Variants in PIK3C2G observed in about 807,000 individuals in gnomAD.
PIK3C2G encodes phosphatidylinositol 3-kinase C2 domain-containing subunit gamma.
Under a neutral mutation model 181.1 loss-of-function variants are expected in PIK3C2G, and 168 were observed. The ratio of observed to expected loss-of-function variants is 0.93; its 90% CI spans 0.82 to 1.05. The LOEUF is 1.05. Ranked by LOEUF, PIK3C2G falls within the 50% of genes least tolerant of loss-of-function variation. The probability of loss-of-function intolerance (pLI) is 0.00; values close to 1 mark genes in which losing one functional copy is unlikely to be tolerated. For synonymous variants in PIK3C2G, 573 were observed against 592.2 expected (o/e 0.97, Z 0.47); for missense variants, 1,869 against 1,732.8 (o/e 1.08, Z -1.40).
intron 18 of PIK3C2G, among the ~76,000 whole-genome samples, chr12:18,456,550 G>C (rs1947639929): frequency 6.6e-6 from 1 of 152,156 alleles, no homozygotes; most frequent in Admixed American, 6.6e-5. Flanking sequence ...AAAGAAGCTA[G>C]CCGCCCCAAC....
chr12:18,563,563 A>G (rs547942347), intron 28 of PIK3C2G, 65 bp downstream of exon 28: 169 of 1,487,230 alleles, frequency 1.1e-4, no homozygotes, highest in Non-Finnish European at 1.5e-4. Flanking sequence ...AAGAAAAATT[A>G]TGGTTATGGG....
At chr12:18,475,215 T>G (rs1466629519) in intron 18 of PIK3C2G, among the ~76,000 whole-genome samples, 1 of 152,098 alleles carries the variant, frequency 6.6e-6, no homozygotes, top group Non-Finnish European at 1.5e-5. Flanking sequence ...ATATCTTAAA[T>G]AAGACTGGGT....
chr12:18,340,692 T>C lies in PIK3C2G; in HGVS notation c.1395+2144T>C, dbSNP rs560385877. Among the ~76,000 whole-genome samples the C allele has an allele frequency of 2.0e-5, 3 of 152,302 alleles. No individual in the cohort carries two copies. In the South Asian group the frequency reaches 6.2e-4, roughly 32 times the overall value. ...ATCTAAACATCCTGTGGAAAACTAATTCACTTTTTGGAGTTTTAATTTTCC... is the reference window on the plus strand; with the variant it reads ...ATCTAAACATCCTGTGGAAAACTAACTCACTTTTTGGAGTTTTAATTTTCC... On this transcript the variant is annotated intron_variant, in intron 9 of 32. Transcript: ENST00000538779.
At chr12:18,246,831 T>G (rs548003367), upstream of PIK3C2G, among the ~76,000 whole-genome samples, 2 of 152,338 alleles carry the variant, frequency 1.3e-5, no homozygotes, top group African/African-American at 4.8e-5. Flanking sequence ...TAGACTTAGC[T>G]GGAGACTCAT....
At chr12:18,704,339 C>G in the PIK3C2G span, among the ~76,000 whole-genome samples, 5 of 151,708 alleles carry the variant, frequency 3.3e-5, no homozygotes, top group Middle Eastern at 0.01. Context: ...TTCTTTTTTT[C>G]AATATGAAGG....
the PIK3C2G span, among the ~76,000 whole-genome samples, chr12:18,688,599 T>A: frequency 6.6e-6 from 1 of 151,866 alleles, no homozygotes; most frequent in African/African-American, 2.4e-5. Flanking sequence ...GCAATAGAAA[T>A]ATTACTTTTT....
the PIK3C2G span, among the ~76,000 whole-genome samples, chr12:18,714,130 C>A: frequency 6.6e-6 from 1 of 152,166 alleles, no homozygotes; most frequent in African/African-American, 2.4e-5. Flanking sequence ...CCCAAACTAC[C>A]AAGAGTTCAC....
chr12:18,317,131 A>G (rs1466648999), intron 6 of PIK3C2G, among the ~76,000 whole-genome samples: 1 of 149,366 alleles, frequency 6.7e-6, no homozygotes, highest in African/African-American at 2.5e-5. Context: ...CTCCTGCCTC[A>G]GCCTCCTGAG....
the PIK3C2G span, among the ~76,000 whole-genome samples, chr12:18,691,554 C>T: frequency 5.9e-5 from 9 of 152,126 alleles, no homozygotes; most frequent in Admixed American, 2.0e-4. Flanking sequence ...GTAAAAATGA[C>T]AATCACTTGG....
At chr12:18,568,408 GTGTGTC>G (rs1945751060) in intron 29 of PIK3C2G, among the ~76,000 whole-genome samples, 1 of 151,128 alleles carries the variant, frequency 6.6e-6, no homozygotes, top group African/African-American at 2.4e-5. Context: ...GTGTGTGTGT[GTGTGTC>G]TGTGTGTGTG....
chr12:18,566,120 A>G (rs1056968914), intron 28 of PIK3C2G, among the ~76,000 whole-genome samples: 15 of 152,204 alleles, frequency 9.9e-5, no homozygotes, highest in Admixed American at 7.2e-4. Context: ...AGAGTTTTGG[A>G]CTTTCCTGAC....
chr12:18,368,740 C>T (rs1941816735), intron 12 of PIK3C2G, among the ~76,000 whole-genome samples: 2 of 152,158 alleles, frequency 1.3e-5, no homozygotes, highest in African/African-American at 2.4e-5. Context: ...TCTATAACCA[C>T]GCTGGGTCTG....
At chr12:18,709,824 C>T in the PIK3C2G span, among the ~76,000 whole-genome samples, 1 of 152,104 alleles carries the variant, frequency 6.6e-6, no homozygotes, top group Non-Finnish European at 1.5e-5. Flanking sequence ...GTATTTGTGT[C>T]TCCAATTTCT....
intron 31 of PIK3C2G, among the ~76,000 whole-genome samples, chr12:18,616,441 C>G (rs1169014370): frequency 1.3e-5 from 2 of 152,076 alleles, no homozygotes; most frequent in Admixed American, 6.6e-5. Flanking sequence ...GTGAATTCAG[C>G]TACCTTTAAT....
chr12:18,667,650 A>T, the PIK3C2G span, among the ~76,000 whole-genome samples: 2 of 152,296 alleles, frequency 1.3e-5, no homozygotes, highest in East Asian at 3.9e-4. Context: ...TTGAAGACCC[A>T]GTTTGTACAA....
chr12:18,545,337 C>G (rs200710392), intron 25 of PIK3C2G, among the ~76,000 whole-genome samples: 26 of 151,932 alleles, frequency 1.7e-4, no homozygotes, highest in African/African-American at 5.5e-4. Flanking sequence ...CTCATTTGAA[C>G]TTCAGCAAGT....
At chr12:18,319,287 G>A (rs1951003412) in intron 6 of PIK3C2G, among the ~76,000 whole-genome samples, 1 of 151,944 alleles carries the variant, frequency 6.6e-6, no homozygotes, top group Non-Finnish European at 1.5e-5. Flanking sequence ...TATAGCTCAG[G>A]GGAACATTCA....
At chr12:18,607,231 G>C (rs973683182) in intron 30 of PIK3C2G, 1 of 505,442 alleles carries the variant, frequency 2.0e-6, no homozygotes, top group African/African-American at 2.0e-5. Flanking sequence ...TAATTGAAAG[G>C]AATAATATGA....
At chr12:18,387,339 A>G (rs1266364455) in intron 14 of PIK3C2G, among the ~76,000 whole-genome samples, 1 of 152,132 alleles carries the variant, frequency 6.6e-6, no homozygotes, top group Non-Finnish European at 1.5e-5. Flanking sequence ...TCAATAACTC[A>G]GCACTACCCA....
Sources: gnomAD v4.1 joint callset for allele counts (sites outside exome capture counted in the v4.1 genomes callset) on GRCh38, gnomAD v4.1.1 for gene constraint, MANE v1.5 for transcripts, NCBI Gene and HGNC (gene_info 2026-07-23, HGNC 2026-07-21) for gene names.